The following ACBD6 variants were observed in gnomAD, a reference collection of about 807,000 sequenced individuals.
The protein encoded by ACBD6 is acyl-CoA binding domain containing 6.
A neutral mutation model predicts 37.2 loss-of-function variants in ACBD6; 28 were observed. The ratio of observed to expected loss-of-function variants is 0.75; its 90% confidence interval spans 0.56 to 1.03. The LOEUF is 1.03. Ranked by LOEUF, ACBD6 falls within the 50% of genes least tolerant of loss-of-function variation. The pLI is 0.00. For synonymous variants in ACBD6, 113 were observed against 126.8 expected (o/e 0.89, Z 0.73); for missense variants, 340 against 337.4 (o/e 1.01, Z -0.06).
At position 180,501,993 on chromosome 1, in the gene ACBD6, G is replaced by A. The variant is rs1167564771; in HGVS notation, c.222+52C>T. Reference sequence around the variant, plus strand: ...TACATGCTTGCTATCAGTTGTTGAGGAAGAAGGCTCCGTGTCTTTCTCCCC... The same window carrying A: ...TACATGCTTGCTATCAGTTGTTGAGAAAGAAGGCTCCGTGTCTTTCTCCCC... On this transcript the variant is annotated intron_variant, in intron 1 of 7. Coordinates refer to ENST00000367595, the MANE Select transcript of ACBD6 (RefSeq NM_032360.4). 8 of 1,569,252 alleles carry A rather than the reference G, an allele frequency of 5.1e-6. No homozygotes were observed. The Admixed American group carries it at 1.0e-4, about 20-fold the overall frequency.
At chr1:180,306,661 T>C (rs555477212) in intron 7 of ACBD6, among the ~76,000 whole-genome samples, 1 of 152,254 alleles carries the variant, frequency 6.6e-6, no homozygotes, top group Non-Finnish European at 1.5e-5. Context: ...CACTGCTGTA[T>C]AGTATTCTAG....
intron 3 of ACBD6, among the ~76,000 whole-genome samples, chr1:180,467,591 C>G (rs570342428): frequency 6.6e-6 from 1 of 151,886 alleles, no homozygotes; most frequent in East Asian, 1.9e-4. Flanking sequence ...TTTGAGGCCG[C>G]AGGGAGCTAT....
chr1:180,397,851 G>A (rs1388639700), intron 5 of ACBD6, among the ~76,000 whole-genome samples: 3 of 152,192 alleles, frequency 2.0e-5, no homozygotes, highest in Middle Eastern at 3.4e-3. Context: ...TCAAGAGTTC[G>A]AGACCAGCCT....
chr1:180,332,007 A>C (rs964368163), intron 6 of ACBD6, among the ~76,000 whole-genome samples: 5 of 152,250 alleles, frequency 3.3e-5, no homozygotes, highest in African/African-American at 9.6e-5. Context: ...TGTCTCCCAA[A>C]AATATGTTAA....
intron 3 of ACBD6, among the ~76,000 whole-genome samples, chr1:180,485,793 T>C (rs1218626362): frequency 6.6e-6 from 1 of 152,006 alleles, no homozygotes; most frequent in African/African-American, 2.4e-5. Context: ...ATGATGGGGA[T>C]GTATCAAAAA....
intron 6 of ACBD6, among the ~76,000 whole-genome samples, chr1:180,347,359 A>AGG (rs1558260096): frequency 2.8e-5 from 1 of 35,990 alleles, no homozygotes; most frequent in African/African-American, 5.5e-5. Context: ...TTCAACAGAA[A>AGG]GTTTTTTTTT....
chr1:180,345,555 A>C (rs1466484019), intron 6 of ACBD6, among the ~76,000 whole-genome samples: 2 of 152,154 alleles, frequency 1.3e-5, no homozygotes, highest in Non-Finnish European at 2.9e-5. Context: ...CTTATAAAAA[A>C]GTTTATTCCA....
At chr1:180,458,862 T>G (rs1489111500) in intron 3 of ACBD6, among the ~76,000 whole-genome samples, 2 of 152,224 alleles carry the variant, frequency 1.3e-5, no homozygotes, top group East Asian at 3.8e-4. Flanking sequence ...ATAAAATCTT[T>G]GTCATTTTCC....
At chr1:180,367,917 T>C (rs1485752383) in intron 6 of ACBD6, among the ~76,000 whole-genome samples, 1 of 152,224 alleles carries the variant, frequency 6.6e-6, no homozygotes, top group Non-Finnish European at 1.5e-5. Context: ...AGTAATGGGA[T>C]TGCTGGGTTG....
chr1:180,304,356 C>T (rs1365976583), intron 7 of ACBD6, among the ~76,000 whole-genome samples: 1 of 150,782 alleles, frequency 6.6e-6, no homozygotes, highest in African/African-American at 2.4e-5. Flanking sequence ...ATCTAGAAAA[C>T]CCCATTGTCT....
intron 3 of ACBD6, among the ~76,000 whole-genome samples, chr1:180,481,752 G>A (rs899392433): frequency 6.6e-6 from 1 of 152,176 alleles, no homozygotes; most frequent in Admixed American, 6.5e-5. Flanking sequence ...TACACTCTAA[G>A]AGAGAAATAT....
intron 9 of ACBD6, among the ~76,000 whole-genome samples, chr1:180,280,855 A>T (rs1649286225): frequency 1.3e-5 from 2 of 152,092 alleles, no homozygotes; most frequent in South Asian, 4.1e-4. Context: ...GTTGCTCCTA[A>T]ACTTGGTTAC....
chr1:180,453,291 CA>C (rs1649787467), intron 3 of ACBD6, among the ~76,000 whole-genome samples: 1 of 152,188 alleles, frequency 6.6e-6, no homozygotes, highest in African/African-American at 2.4e-5. Flanking sequence ...TAATCCATCA[CA>C]TAAACAGAAC....
chr1:180,447,239 C>G (rs1380168911), intron 3 of ACBD6, among the ~76,000 whole-genome samples: 1 of 152,082 alleles, frequency 6.6e-6, no homozygotes, highest in Non-Finnish European at 1.5e-5. Flanking sequence ...CATACACTAG[C>G]TAACACATTT....
intron 6 of ACBD6, among the ~76,000 whole-genome samples, chr1:180,339,646 C>A (rs536696606): frequency 4.6e-4 from 70 of 151,928 alleles, no homozygotes; most frequent in Middle Eastern, 6.8e-3. Flanking sequence ...CAAACCTGCA[C>A]GTTGTGCACA....
intron 3 of ACBD6, among the ~76,000 whole-genome samples, chr1:180,488,865 G>C (rs1027814762): frequency 3.3e-5 from 5 of 152,102 alleles, no homozygotes; most frequent in African/African-American, 1.2e-4. Context: ...ACAGGAGTGA[G>C]CCACCACACC....
intron 6 of ACBD6, among the ~76,000 whole-genome samples, chr1:180,339,490 T>C (rs1003844976): frequency 4.0e-5 from 6 of 151,648 alleles, no homozygotes; most frequent in East Asian, 1.9e-4. Context: ...ATGAGAATAT[T>C]TGGACACAGG....
intron 6 of ACBD6, among the ~76,000 whole-genome samples, chr1:180,388,032 CG>C (rs1653911258): frequency 6.6e-6 from 1 of 151,914 alleles, no homozygotes; most frequent in Non-Finnish European, 1.5e-5. Context: ...AAAAATTAGC[CG>C]GGCGTGATGG....
At chr1:180,408,124 A>G (rs1410122681) in intron 5 of ACBD6, among the ~76,000 whole-genome samples, 1 of 152,244 alleles carries the variant, frequency 6.6e-6, no homozygotes, top group Non-Finnish European at 1.5e-5. Flanking sequence ...AGACAGTGAT[A>G]TAAGCAAAAA....
Sources: gnomAD v4.1 joint callset for allele counts (sites outside exome capture counted in the v4.1 genomes callset) on GRCh38, gnomAD v4.1.1 for gene constraint, MANE v1.5 for transcripts, NCBI Gene and HGNC (gene_info 2026-07-23, HGNC 2026-07-21) for gene names.